The following HNRNPH1 variants were observed in gnomAD, a reference collection of about 807,000 sequenced individuals.
HNRNPH1 encodes the protein heterogeneous nuclear ribonucleoprotein H1.
In HNRNPH1, 4 loss-of-function variants were observed where a neutral mutation model predicts 58.6. The observed-to-expected ratio is 0.07, with a 90% confidence interval of 0.03 to 0.16. HNRNPH1 has a LOEUF of 0.16. Among genes scored for constraint, HNRNPH1 ranks in the 10% least tolerant of loss-of-function variants. HNRNPH1 has a pLI of 1.00. For missense variants in HNRNPH1, 271 were observed against 564.2 expected (o/e 0.48, Z 5.26); for synonymous variants, 192 against 189.2 (o/e 1.01, Z -0.12).
chr5:179,633,522 C>T (rs188868003), intron 2 of HNRNPH1, among the ~76,000 whole-genome samples: 6 of 141,376 alleles, frequency 4.2e-5, no homozygotes, highest in Non-Finnish European at 6.0e-5. Context: ...CCGTGTCAGC[C>T]GGGATGGTAT....
chr5:179,627,352 C>G (rs1254308517), upstream of HNRNPH1, among the ~76,000 whole-genome samples: 1 of 151,850 alleles, frequency 6.6e-6, no homozygotes, highest in Non-Finnish European at 1.5e-5. Context: ...CAACCAGGCC[C>G]GACTAATTTT....
rs537555525 is a variant in HNRNPH1, at chr5:179,618,253, C to T, written c.607G>A (p.Ala203Thr). ...TCATAAGGACCTGGCCGCTGCATGGCCATAAGCTTTCGTGGTGGATCATAA... is the reference window on the plus strand; with the variant it reads ...TCATAAGGACCTGGCCGCTGCATGGTCATAAGCTTTCGTGGTGGATCATAA... The change falls in exon 5 of 13, where the codon GCC (alanine) becomes ACC (threonine). Residue 203 changes from alanine (A) to threonine (T), a missense_variant. Physicochemically the swap from Ala to Thr is moderately conservative, Grantham distance 58. Coordinates refer to ENST00000356731, the Ensembl canonical transcript of HNRNPH1. The T allele has an allele frequency of 3.1e-6, 5 of 1,614,102 alleles. No individual in the cohort carries two copies. Among genetic ancestry groups the T allele is most frequent in the Admixed American group, 3.3e-5 (2 of 60,014 alleles).
chr5:179,614,347 T>TAAAAAA (rs36119714), exon 13 of HNRNPH1: 1 of 143,930 alleles, frequency 6.9e-6, no homozygotes. Flanking sequence ...CCCATTAACT[T>TAAAAAA]AAAAAAAAAA....
intron 4 of HNRNPH1, chr5:179,618,569 G>A (rs1215990879): frequency 5.4e-6 from 2 of 370,916 alleles, no homozygotes; most frequent in Non-Finnish European, 4.8e-6. Flanking sequence ...CAACCTTAGG[G>A]GTAGAGAGGA....
At chr5:179,625,201 A>C (rs1774255916), upstream of HNRNPH1, among the ~76,000 whole-genome samples, 1 of 152,176 alleles carries the variant, frequency 6.6e-6, no homozygotes, top group Non-Finnish European at 1.5e-5. Flanking sequence ...TGAGGTAATC[A>C]AGAAGAGAGT....
chr5:179,631,295 G>A (rs1467995456), intron 2 of HNRNPH1, among the ~76,000 whole-genome samples: 4 of 151,934 alleles, frequency 2.6e-5, no homozygotes, highest in Non-Finnish European at 4.4e-5. Context: ...TTAAGATGGC[G>A]ATCATGAAAA....
rs1027679059 is a variant in HNRNPH1, at chr5:179,619,147, A to C, written c.536+122T>G. The C allele has an allele frequency of 3.4e-6, 3 of 889,494 alleles. No individual in the cohort carries two copies. The African/African-American group carries it at 5.1e-5, about 15-fold the overall frequency. The allele number at this position is 889,494 out of a possible 1,614,324, so 55.1% of individuals were successfully genotyped here. A position where few individuals can be genotyped will look rare whatever the true frequency, so the allele number is the denominator to read the frequency against. Reference sequence around the variant, plus strand: ...TGGGACTGACACAAGTTTGGAAATCATGGCAAAACATCAATTACCTAGGAC... The same window carrying C: ...TGGGACTGACACAAGTTTGGAAATCCTGGCAAAACATCAATTACCTAGGAC... On this transcript the variant is annotated intron_variant, in intron 4 of 12. Coordinates refer to ENST00000356731, the Ensembl canonical transcript of HNRNPH1.
chr5:179,616,626 T>TAA (rs957784316), intron 10 of HNRNPH1: 228 of 545,852 alleles, frequency 4.2e-4, no homozygotes, highest in Admixed American at 9.4e-4. Context: ...TTAGAAAATT[T>TAA]AAGTAGTTTC....
At chr5:179,619,213 GATTT>G (rs1355604651) in intron 4 of HNRNPH1, 52 bp downstream of exon 5, 2 of 1,427,220 alleles carry the variant, frequency 1.4e-6, no homozygotes, top group Non-Finnish European at 1.9e-6. Context: ...AGAGAATATG[GATTT>G]AATTGTTTAC....
exon 1 of HNRNPH1, chr5:179,623,595 C>T (rs913366665): frequency 6.3e-6 from 1 of 157,886 alleles, no homozygotes; most frequent in African/African-American, 2.4e-5. Flanking sequence ...CGGTACCCAC[C>T]GTGGTCGCTG....
Position 179,616,221 on chromosome 5 carries a change from G to T in HNRNPH1, c.1208-3C>A. On this transcript the variant is annotated splice_polypyrimidine_tract_variant and splice_region_variant and intron_variant, in intron 10 of 12. Transcript: ENST00000356731. ...GCCCCCGTAGCTGGACTGGTTTGCT[G>T]TTAAGTTAAGAAAACATTAGAACCT... 6.2e-7 allele frequency: 1 copy of T among 1,606,760 alleles called. No individual in the cohort carries two copies. Among genetic ancestry groups the T allele is most frequent in the Non-Finnish European group, 8.5e-7 (1 of 1,176,244 alleles).
chr5:179,623,591 C>T lies in HNRNPH1; in HGVS notation c.-458G>A, dbSNP rs1773858944. On this transcript the variant is annotated 5_prime_UTR_variant, in exon 1 of 13. Coordinates refer to ENST00000356731, the Ensembl canonical transcript of HNRNPH1. Reference sequence around the variant, plus strand: ...CAAACAATCCTCGCAAAAACGGTACCCACCGTGGTCGCTGAACTGCAAGCG... The same window carrying T: ...CAAACAATCCTCGCAAAAACGGTACTCACCGTGGTCGCTGAACTGCAAGCG... 1.9e-5 allele frequency: 3 copies of T among 158,100 alleles called. No homozygotes were observed. The South Asian group carries it at 4.4e-4, about 23-fold the overall frequency. 9.8% of individuals were successfully genotyped at this position (158,100 alleles called of 1,614,324 possible).
At chr5:179,616,159 C>T (rs771260596) in exon 11 of HNRNPH1, 7 of 1,614,146 alleles carry the variant, frequency 4.3e-6, no homozygotes, top group Non-Finnish European at 5.9e-6. Context: ...CCACCGTAGC[C>T]GCCTCCGTAA....
upstream of HNRNPH1, among the ~76,000 whole-genome samples, chr5:179,627,090 G>C (rs114377759): frequency 3.9e-5 from 6 of 152,192 alleles, no homozygotes; most frequent in Non-Finnish European, 8.8e-5. Flanking sequence ...TAATGTCTTC[G>C]TATACTTCTT....
chr5:179,623,359 C>G (rs1018441883), exon 1 of HNRNPH1: 1 of 364,380 alleles, frequency 2.7e-6, no homozygotes, highest in African/African-American at 2.1e-5. Flanking sequence ...GCGCCCCGAA[C>G]CGTGGGGGCC....
At chr5:179,634,536 T>TGCCG (rs1318863287) in exon 1 of HNRNPH1, 2 of 76,972 alleles carry the variant, frequency 2.6e-5, no homozygotes, top group African/African-American at 7.1e-5. Context: ...GCGCGCCCCC[T>TGCCG]GCCGGCCGGC....
intron 8 of HNRNPH1, 150 bp downstream of exon 9, chr5:179,617,364 A>C (rs1770276434): frequency 1.0e-6 from 1 of 954,934 alleles, no homozygotes; most frequent in Admixed American, 2.4e-5. Context: ...TAAAACCCAA[A>C]CCTTCAACAC....
At chr5:179,621,447 CTG>C in intron 1 of HNRNPH1, 50 bp from the exon 3 acceptor site, 1 of 1,523,828 alleles carries the variant, frequency 6.6e-7, no homozygotes, top group Middle Eastern at 2.3e-4. Context: ...AAAACCACCT[CTG>C]GGTGACACAG....
Position 179,621,235 on chromosome 5 carries a change from A to C in HNRNPH1, c.253+7T>G, listed in dbSNP as rs1413901033. ...ATTTACTGTAACTAGGGCAATGTAAATCAAACCTTCAACATATCTGTGTCC... is the reference window on the plus strand; with the variant it reads ...ATTTACTGTAACTAGGGCAATGTAACTCAAACCTTCAACATATCTGTGTCC... On this transcript the variant is annotated splice_region_variant and intron_variant, in intron 2 of 12. Coordinates refer to ENST00000356731, the Ensembl canonical transcript of HNRNPH1. 3 of 1,612,910 alleles carry C rather than the reference A, an allele frequency of 1.9e-6. No individual in the cohort carries two copies. The Admixed American group carries it at 5.0e-5, about 27-fold the overall frequency.
Sources: allele counts gnomAD v4.1 joint callset (sites outside exome capture counted in the v4.1 genomes callset), GRCh38; gene constraint gnomAD v4.1.1; transcripts MANE v1.5; gene names NCBI Gene and HGNC (gene_info 2026-07-23, HGNC 2026-07-21).